The following HS2ST1 variants were observed in gnomAD, a reference collection of about 807,000 sequenced individuals.
HS2ST1 encodes heparan sulfate 2-O-sulfotransferase 1.
HS2ST1 carries 18 observed loss-of-function variants against 42.9 expected under a neutral mutation model. The observed-to-expected ratio is 0.42, with a 90% CI of 0.29 to 0.62. The LOEUF (loss-of-function observed/expected upper bound fraction) is 0.62. Ranked by LOEUF, HS2ST1 falls within the 20% of genes least tolerant of loss-of-function variation. The pLI is 0.21. For synonymous variants in HS2ST1, 146 were observed against 152.9 expected, an observed-to-expected ratio of 0.95 and a Z score of 0.33; for missense variants, 334 against 433.8, an observed-to-expected ratio of 0.77 and a Z score of 2.04.
At chr1:86,987,658 A>G (rs999493862) in intron 1 of HS2ST1, among the ~76,000 whole-genome samples, 8 of 152,160 alleles carry the variant, frequency 5.3e-5, no homozygotes, top group Non-Finnish European at 7.3e-5. Flanking sequence ...CCACACTGCA[A>G]TAGACTGTCT....
At chr1:86,923,014 T>G in intron 1 of HS2ST1, among the ~76,000 whole-genome samples, 1 of 152,148 alleles carries the variant, frequency 6.6e-6, no homozygotes, top group East Asian at 1.9e-4. Context: ...TTCATCATTC[T>G]CAGTCTTTTT....
At chr1:87,101,444 G>A (rs1412792899) in intron 5 of HS2ST1, among the ~76,000 whole-genome samples, 2 of 152,036 alleles carry the variant, frequency 1.3e-5, no homozygotes, top group Non-Finnish European at 2.9e-5. Flanking sequence ...GGGATTACAG[G>A]TGTGAGCCAC....
chr1:87,002,613 A>C (rs1267666902), intron 1 of HS2ST1, among the ~76,000 whole-genome samples: 2 of 151,300 alleles, frequency 1.3e-5, no homozygotes, highest in African/African-American at 4.9e-5. Context: ...TTGTCTCAAA[A>C]AAAAAAAAAA....
chr1:87,086,670 G>C (rs973637568), intron 3 of HS2ST1, among the ~76,000 whole-genome samples: 1 of 151,984 alleles, frequency 6.6e-6, no homozygotes, highest in African/African-American at 2.4e-5. Flanking sequence ...TTGCAAGCTT[G>C]TCTACTCAAG....
chr1:86,968,672 G>A (rs901522292), intron 1 of HS2ST1, among the ~76,000 whole-genome samples: 3 of 151,994 alleles, frequency 2.0e-5, no homozygotes, highest in African/African-American at 7.3e-5. Flanking sequence ...TTCCTAAGTG[G>A]TGGATTACAG....
chr1:87,059,643 T>C (rs1293536993), intron 1 of HS2ST1, among the ~76,000 whole-genome samples: 1 of 152,216 alleles, frequency 6.6e-6, no homozygotes. Context: ...CTATGATTTT[T>C]AACTATGATA....
intron 3 of HS2ST1, among the ~76,000 whole-genome samples, chr1:87,084,709 A>C (rs1011834900): frequency 8.5e-5 from 13 of 152,174 alleles, no homozygotes; most frequent in Non-Finnish European, 1.8e-4. Context: ...GGGCTACCTT[A>C]TTTTAGCTTT....
chr1:87,033,159 T>C (rs1390486319), intron 1 of HS2ST1, among the ~76,000 whole-genome samples: 1 of 152,234 alleles, frequency 6.6e-6, no homozygotes, highest in African/African-American at 2.4e-5. Context: ...TAGTAAAATA[T>C]ATCCCTACGT....
chr1:87,047,731 C>G (rs559509316), intron 1 of HS2ST1, among the ~76,000 whole-genome samples: 1 of 152,026 alleles, frequency 6.6e-6, no homozygotes, highest in Non-Finnish European at 1.5e-5. Context: ...ATATTTGTAT[C>G]CAAGTTTTTC....
intron 1 of HS2ST1, among the ~76,000 whole-genome samples, chr1:86,963,059 C>CT (rs1392004268): frequency 6.6e-6 from 1 of 151,820 alleles, no homozygotes; most frequent in Non-Finnish European, 1.5e-5. Flanking sequence ...GGCTAATTCT[C>CT]TATTAGTAGC....
intron 1 of HS2ST1, among the ~76,000 whole-genome samples, chr1:87,060,041 C>A (rs1375916703): frequency 6.6e-6 from 1 of 151,986 alleles, no homozygotes; most frequent in African/African-American, 2.4e-5. Context: ...AAGAATGATA[C>A]CTAGAATATT....
At chr1:86,998,681 C>T (rs1361289513) in intron 1 of HS2ST1, among the ~76,000 whole-genome samples, 1 of 152,100 alleles carries the variant, frequency 6.6e-6, no homozygotes, top group African/African-American at 2.4e-5. Context: ...TCTGAAGTAC[C>T]TTTAAATCAG....
intron 1 of HS2ST1, among the ~76,000 whole-genome samples, chr1:86,958,991 T>A (rs1570446319): frequency 6.6e-6 from 1 of 152,188 alleles, no homozygotes; most frequent in South Asian, 2.1e-4. Flanking sequence ...AAAAATCATA[T>A]GGTCATATCA....
intron 1 of HS2ST1, among the ~76,000 whole-genome samples, chr1:87,048,146 AATTT>A (rs1650735340): frequency 1.3e-5 from 2 of 152,134 alleles, no homozygotes; most frequent in African/African-American, 2.4e-5. Flanking sequence ...TCTTATTGCA[AATTT>A]ATTTATATTT....
intron 1 of HS2ST1, among the ~76,000 whole-genome samples, chr1:86,997,836 G>A (rs1649152248): frequency 6.6e-6 from 1 of 152,126 alleles, no homozygotes; most frequent in Non-Finnish European, 1.5e-5. Context: ...GGTGGTGTAC[G>A]ATTTCATCAC....
At chr1:87,037,776 A>G (rs924983708) in intron 1 of HS2ST1, among the ~76,000 whole-genome samples, 10 of 151,912 alleles carry the variant, frequency 6.6e-5, no homozygotes, top group Non-Finnish European at 1.5e-4. Flanking sequence ...GTATTCTACA[A>G]CTTGCATTTT....
chr1:86,951,926 G>C (rs762642040), intron 1 of HS2ST1, among the ~76,000 whole-genome samples: 3 of 152,170 alleles, frequency 2.0e-5, no homozygotes, highest in Non-Finnish European at 4.4e-5. Flanking sequence ...CTCCTCATTT[G>C]TTCAAGTTTT....
chr1:87,054,453 A>G (rs1650912034), intron 1 of HS2ST1, among the ~76,000 whole-genome samples: 2 of 152,190 alleles, frequency 1.3e-5, no homozygotes, highest in African/African-American at 4.8e-5. Flanking sequence ...GGGAGCCTTC[A>G]TGGTGCTAAG....
chr1:86,976,855 G>A (rs1187526696), intron 1 of HS2ST1, among the ~76,000 whole-genome samples: 1 of 151,248 alleles, frequency 6.6e-6, no homozygotes, highest in Non-Finnish European at 1.5e-5. Flanking sequence ...AGGACCCCTT[G>A]AGGCCAGAAG....
Sources: allele counts gnomAD v4.1 joint callset (sites outside exome capture counted in the v4.1 genomes callset), GRCh38; gene constraint gnomAD v4.1.1; transcripts MANE v1.5; gene names NCBI Gene and HGNC (gene_info 2026-07-23, HGNC 2026-07-21).